Variants in TRAM1 observed in about 807,000 individuals in gnomAD.
TRAM1 encodes the protein translocation associated membrane protein 1.
Under a neutral mutation model 48.7 loss-of-function variants are expected in TRAM1, and 17 were observed. The observed-to-expected ratio is 0.35, with a 90% CI of 0.24 to 0.52. The LOEUF (loss-of-function observed/expected upper bound fraction) is 0.52. Among genes scored for constraint, TRAM1 ranks in the 20% least tolerant of loss-of-function variants. The probability of loss-of-function intolerance (pLI) is 0.94; values close to 1 mark genes in which losing one functional copy is unlikely to be tolerated. For missense variants in TRAM1, 351 were observed against 441.5 expected (o/e 0.79, Z 1.84); for synonymous variants, 182 against 154.0 (o/e 1.18, Z -1.34).
chr8:70,604,355 T>A (rs942160496), intron 1 of TRAM1, among the ~76,000 whole-genome samples: 6 of 152,244 alleles, frequency 3.9e-5, no homozygotes, highest in African/African-American at 1.4e-4. Flanking sequence ...CTACATGGAC[T>A]GGATCCTTGA....
chr8:70,602,153 CAA>C (rs374240337), intron 1 of TRAM1, among the ~76,000 whole-genome samples: 5 of 152,254 alleles, frequency 3.3e-5, no homozygotes, highest in African/African-American at 1.2e-4. Flanking sequence ...TCAAAAGTTT[CAA>C]AAGAGATGTG....
intron 10 of TRAM1, among the ~76,000 whole-genome samples, chr8:70,577,372 TC>T (rs1335655469): frequency 6.6e-6 from 1 of 152,112 alleles, no homozygotes; most frequent in Non-Finnish European, 1.5e-5. Flanking sequence ...GGCCACCAGT[TC>T]CATGGACTGG....
intron 6 of TRAM1, among the ~76,000 whole-genome samples, chr8:70,592,785 C>T (rs1040112593): frequency 2.6e-5 from 4 of 152,222 alleles, no homozygotes; most frequent in African/African-American, 9.6e-5. Flanking sequence ...CTCAGTAGCG[C>T]TGTCCAATAG....
chr8:70,590,915 A>T (rs1251475094), intron 6 of TRAM1, among the ~76,000 whole-genome samples: 1 of 152,156 alleles, frequency 6.6e-6, no homozygotes, highest in East Asian at 1.9e-4. Context: ...TAGTAAGAGA[A>T]TGGGTAAATA....
Position 70,574,279 on chromosome 8 carries a change from TAAGAA to T in TRAM1, c.*648_*652del. 4.9e-6 allele frequency: 2 copies of T among 404,584 alleles called. No individual in the cohort carries two copies. The highest frequency in any genetic ancestry group is 9.5e-6 in the Non-Finnish European group (2 of 210,534). 25.1% of individuals were successfully genotyped at this position (404,584 alleles called of 1,614,324 possible). ...AAAGATTTTACTTCACAAGTACTTT[TAAGAA>T]TATACTTTGATTTAATATGTATGTT... On this transcript the variant is annotated 3_prime_UTR_variant, in exon 11 of 11. Transcript: ENST00000262213.
chr8:70,593,442 CAT>C (rs1817410956), intron 6 of TRAM1, among the ~76,000 whole-genome samples: 1 of 148,528 alleles, frequency 6.7e-6, no homozygotes, highest in Non-Finnish European at 1.5e-5. Context: ...AAAATGTAAA[CAT>C]ATACACAACA....
Position 70,573,742 on chromosome 8 carries a change from C to G in TRAM1, c.*1190G>C, listed in dbSNP as rs999305937. ...AACACTGAAAAGAACAATATATATACTGTAAATATGATGAATAAACCAAAT... is the reference window on the plus strand; with the variant it reads ...AACACTGAAAAGAACAATATATATAGTGTAAATATGATGAATAAACCAAAT... On this transcript the variant is annotated 3_prime_UTR_variant, in exon 11 of 11. Transcript: ENST00000262213. 1.3e-5 allele frequency: 2 copies of G among 152,392 alleles called. No homozygotes were observed. Among genetic ancestry groups the G allele is most frequent in the Non-Finnish European group, 2.9e-5 (2 of 68,018 alleles). 9.4% of individuals were successfully genotyped at this position (152,392 alleles called of 1,614,324 possible).
chr8:70,605,561 T>C (rs1272779746), intron 1 of TRAM1, among the ~76,000 whole-genome samples: 1 of 152,262 alleles, frequency 6.6e-6, no homozygotes, highest in Non-Finnish European at 1.5e-5. Flanking sequence ...TTCTCTATTA[T>C]TCTAGCACAA....
chr8:70,601,749 C>T (rs1316867977), intron 1 of TRAM1, among the ~76,000 whole-genome samples: 1 of 152,166 alleles, frequency 6.6e-6, no homozygotes, highest in Non-Finnish European at 1.5e-5. Context: ...AGGAGGCACT[C>T]ATAAGGCAAA....
chr8:70,587,198 A>T, intron 6 of TRAM1, 22 bp from the exon 7 acceptor site: 2 of 1,603,206 alleles, frequency 1.2e-6, no homozygotes, highest in South Asian at 1.1e-5. Context: ...TACATTATAG[A>T]TTAAAACATG....
At chr8:70,593,801 G>T (rs926544107) in intron 6 of TRAM1, among the ~76,000 whole-genome samples, 6 of 152,056 alleles carry the variant, frequency 3.9e-5, no homozygotes, top group Non-Finnish European at 8.8e-5. Context: ...TCAGGGCACA[G>T]TTGAGCAGCA....
At position 70,586,621 on chromosome 8, in the gene TRAM1, C is replaced by G. The variant is rs189313808; in HGVS notation, c.746+274G>C. Among the ~76,000 whole-genome samples, 201 of 152,154 alleles carry G rather than the reference C, an allele frequency of 1.3e-3. 2 individuals are homozygous for G. The highest frequency in any genetic ancestry group is 3.4e-3 in the Middle Eastern group (1 of 294). ...CTCTATCACTCCTCCAAAAGAAAAACCATGCAACAAACAAAGTAAAAGTTA... is the reference window on the plus strand; with the variant it reads ...CTCTATCACTCCTCCAAAAGAAAAAGCATGCAACAAACAAAGTAAAAGTTA... On this transcript the variant is annotated intron_variant, in intron 8 of 10. Transcript: ENST00000262213.
chr8:70,594,217 T>C (rs1379642230), intron 6 of TRAM1, among the ~76,000 whole-genome samples: 2 of 152,002 alleles, frequency 1.3e-5, no homozygotes, highest in Admixed American at 6.6e-5. Context: ...TTAGTTTAAA[T>C]TTTAATTTAC....
At position 70,608,180 on chromosome 8, in the gene TRAM1, CT is replaced by C; in HGVS notation, c.19del (p.Ser7AlafsTer8). ...GCTCAGCACTGGGGGGCTCTTGGTG[CT>C]TTTCTTGCGAATCGCCATGGTGGGG... MAIRKKSTKSPPVLSHE... is the reference protein window; with the variant it reads MAIRKKXTKSPPVLSHE... On this transcript the variant is annotated frameshift_variant, in exon 1 of 11. Transcript: ENST00000262213. LOFTEE classifies it high-confidence loss of function. 1 of 1,589,558 alleles carries C rather than the reference CT, an allele frequency of 6.3e-7. No homozygotes were observed. Among genetic ancestry groups the C allele is most frequent in the Non-Finnish European group, 8.5e-7 (1 of 1,169,608 alleles).
chr8:70,593,802 T>C (rs564247327), intron 6 of TRAM1, among the ~76,000 whole-genome samples: 1 of 151,514 alleles, frequency 6.6e-6, no homozygotes, highest in East Asian at 1.9e-4. Context: ...CAGGGCACAG[T>C]TGAGCAGCAT....
At chr8:70,590,777 C>T (rs1056072088) in intron 6 of TRAM1, among the ~76,000 whole-genome samples, 5 of 152,224 alleles carry the variant, frequency 3.3e-5, no homozygotes, top group African/African-American at 1.2e-4. Flanking sequence ...AAAATAGTAT[C>T]TATTGCTTTC....
At chr8:70,583,589 G>A (rs1343477310) in intron 9 of TRAM1, 61 bp downstream of exon 9, 4 of 1,558,662 alleles carry the variant, frequency 2.6e-6, no homozygotes, top group African/African-American at 1.4e-5. Context: ...TCAATGTAGA[G>A]AAACTGATAA....
chr8:70,588,685 A>G (rs1817281273), intron 6 of TRAM1, among the ~76,000 whole-genome samples: 1 of 152,242 alleles, frequency 6.6e-6, no homozygotes, highest in Non-Finnish European at 1.5e-5. Flanking sequence ...ACACACAATG[A>G]ATTATGATGT....
intron 8 of TRAM1, among the ~76,000 whole-genome samples, chr8:70,584,867 T>C (rs1468690518): frequency 6.6e-6 from 1 of 152,108 alleles, no homozygotes; most frequent in Non-Finnish European, 1.5e-5. Flanking sequence ...AGGTAATTTA[T>C]AGATTCAATG....
Sources: gnomAD v4.1 joint callset for allele counts (sites outside exome capture counted in the v4.1 genomes callset) on GRCh38, gnomAD v4.1.1 for gene constraint, MANE v1.5 for transcripts, NCBI Gene and HGNC (gene_info 2026-07-23, HGNC 2026-07-21) for gene names.